Variants in RIN3 observed in about 807,000 individuals in gnomAD.
RIN3 encodes Ras and Rab interactor 3, also known as RAB5 interacting protein 3.
A neutral mutation model predicts 76.3 loss-of-function variants in RIN3; 54 were observed. That is an observed-to-expected ratio of 0.71 (90% CI 0.57 to 0.89). The LOEUF is 0.89. RIN3 is among the 40% of genes least tolerant of loss of function. The pLI is 0.00. For missense variants in RIN3, 1,256 were observed against 1,322.1 expected (o/e 0.95, Z 0.78); for synonymous variants, 576 against 564.0 (o/e 1.02, Z -0.30).
chr14:92,666,353 C>T (rs1888105132), intron 7 of RIN3, among the ~76,000 whole-genome samples: 1 of 152,210 alleles, frequency 6.6e-6, no homozygotes, highest in South Asian at 2.1e-4. Context: ...GCTATCTTCT[C>T]CAGAAAGATA....
At chr14:92,532,541 G>A (rs75581688) in intron 1 of RIN3, among the ~76,000 whole-genome samples, 3 of 152,312 alleles carry the variant, frequency 2.0e-5, no homozygotes, top group South Asian at 2.1e-4. Flanking sequence ...TCTGGGGGAA[G>A]TTATTTACCA....
At chr14:92,550,931 G>T (rs1298597963) in intron 1 of RIN3, among the ~76,000 whole-genome samples, 1 of 152,110 alleles carries the variant, frequency 6.6e-6, no homozygotes, top group Non-Finnish European at 1.5e-5. Flanking sequence ...AAAGAACTTT[G>T]CAGTAAACAC....
Position 92,550,004 on chromosome 14 carries a change from C to T in RIN3, c.45-5747C>T, listed in dbSNP as rs540460050. Among the ~76,000 whole-genome samples, 119 of 152,238 alleles carry T rather than the reference C, an allele frequency of 7.8e-4. 9 individuals carry two copies. Among genetic ancestry groups the T allele is most frequent in the African/African-American group, 1.7e-4 (7 of 41,532 alleles). Reference sequence around the variant, plus strand: ...GGGAGGGCGTGGGTGTCAGAGTGGCCGGCTCTGCCAACAGATGGCTGATCT... The same window carrying T: ...GGGAGGGCGTGGGTGTCAGAGTGGCTGGCTCTGCCAACAGATGGCTGATCT... On this transcript the variant is annotated intron_variant, in intron 1 of 9. Coordinates refer to ENST00000216487, the MANE Select transcript of RIN3 (RefSeq NM_024832.5).
At chr14:92,592,369 C>G (rs1460679537) in intron 3 of RIN3, among the ~76,000 whole-genome samples, 2 of 149,632 alleles carry the variant, frequency 1.3e-5, no homozygotes, top group Non-Finnish European at 3.0e-5. Flanking sequence ...CCATTGCACT[C>G]CAGCCTGGGC....
chr14:92,570,618 C>A (rs1027887764), intron 2 of RIN3, among the ~76,000 whole-genome samples: 5 of 150,328 alleles, frequency 3.3e-5, no homozygotes, highest in Admixed American at 1.3e-4. Context: ...GCTGAGATCA[C>A]GCCATTGCAC....
In RIN3 at chr14:92,513,943, A is replaced by ACGCCGGGG; in HGVS notation, c.16_23dup (p.Ala9GlyfsTer61). ...GGAGCTGCCGGCGGCATGATCCGAC[A>ACGCCGGGG]CGCCGGGGCGCCCGCGCGCGGGGAC... On this transcript the variant is annotated frameshift_variant, in exon 1 of 10. Transcript: ENST00000216487. LOFTEE classifies it high-confidence loss of function. 8.0e-7 allele frequency: 1 copy of ACGCCGGGG among 1,245,456 alleles called. No individual in the cohort carries two copies. Among genetic ancestry groups the ACGCCGGGG allele is most frequent in the Non-Finnish European group, 1.0e-6 (1 of 994,972 alleles). The allele number at this position is 1,245,456 out of a possible 1,614,324, so 77.2% of individuals were successfully genotyped here.
At chr14:92,661,063 C>G (rs1212726913) in intron 7 of RIN3, among the ~76,000 whole-genome samples, 1 of 152,208 alleles carries the variant, frequency 6.6e-6, no homozygotes, top group Non-Finnish European at 1.5e-5. Flanking sequence ...GCCCAATTTC[C>G]TCGCCTGAGG....
At chr14:92,557,198 T>G (rs1231119845) in intron 2 of RIN3, among the ~76,000 whole-genome samples, 2 of 152,240 alleles carry the variant, frequency 1.3e-5, no homozygotes, top group African/African-American at 2.4e-5. Flanking sequence ...CATGTGAATC[T>G]GCCCATTTAA....
chr14:92,538,059 T>TA (rs1897047185), intron 1 of RIN3, among the ~76,000 whole-genome samples: 1 of 151,872 alleles, frequency 6.6e-6, no homozygotes, highest in African/African-American at 2.4e-5. Flanking sequence ...TCTCTTGACC[T>TA]TGTGATCCAC....
intron 1 of RIN3, among the ~76,000 whole-genome samples, chr14:92,518,553 C>A (rs985007975): frequency 2.0e-5 from 3 of 152,198 alleles, no homozygotes; most frequent in African/African-American, 7.2e-5. Flanking sequence ...GCCACCCAGG[C>A]AATTGAGTAG....
intron 4 of RIN3, among the ~76,000 whole-genome samples, chr14:92,636,204 T>C (rs548547726): frequency 1.3e-5 from 2 of 151,528 alleles, no homozygotes; most frequent in Admixed American, 1.3e-4. Context: ...TTAGCATTGA[T>C]GAAAGAGGAG....
At chr14:92,664,442 A>C (rs1330396223) in intron 7 of RIN3, among the ~76,000 whole-genome samples, 1 of 134,504 alleles carries the variant, frequency 7.4e-6, no homozygotes, top group African/African-American at 2.8e-5. Context: ...ATCTCGGCTC[A>C]CTGCAAACTC....
In RIN3 at chr14:92,656,493, C is replaced by T. The variant is rs1887674010; in HGVS notation, c.2027-2668C>T. Among the ~76,000 whole-genome samples the T allele has an allele frequency of 6.6e-6, 1 of 152,198 alleles. No individual in the cohort carries two copies. The highest frequency in any genetic ancestry group is 6.5e-5 in the Admixed American group (1 of 15,288). On this transcript the variant is annotated intron_variant, in intron 6 of 9. Transcript: ENST00000216487. The surrounding 1 kb of genome is among the most constrained non-coding windows in gnomAD (Gnocchi z 5.2). ...GCACAAGCTGGACCTCTGCTGGAAA[C>T]AGCAGGAATGACTTCAGCCTTGGGG... is the stretch of plus-strand genomic sequence containing the variant.
chr14:92,533,109 TC>T (rs1216888656), intron 1 of RIN3, among the ~76,000 whole-genome samples: 1 of 152,224 alleles, frequency 6.6e-6, no homozygotes, highest in South Asian at 2.1e-4. Context: ...CCTCTTTATT[TC>T]TTTTTTCCTT....
At chr14:92,546,790 T>A (rs566487821) in intron 1 of RIN3, among the ~76,000 whole-genome samples, 48 of 152,048 alleles carry the variant, frequency 3.2e-4, no homozygotes, top group African/African-American at 1.1e-3. Context: ...TAGGGCCTGT[T>A]TGGGGGAATG....
chr14:92,609,249 G>A (rs978912570), intron 3 of RIN3, among the ~76,000 whole-genome samples: 3 of 152,090 alleles, frequency 2.0e-5, no homozygotes, highest in Admixed American at 1.3e-4. Flanking sequence ...GAGTGCCAGG[G>A]GCTGGGCTGG....
intron 1 of RIN3, among the ~76,000 whole-genome samples, chr14:92,547,144 CTTTAT>C (rs1251385369): frequency 3.2e-5 from 2 of 62,956 alleles, no homozygotes; most frequent in African/African-American, 1.1e-4. Context: ...AGTAAATTAT[CTTTAT>C]TTTATTATTA....
intron 3 of RIN3, among the ~76,000 whole-genome samples, chr14:92,593,547 G>T (rs557857349): frequency 6.6e-6 from 1 of 152,106 alleles, no homozygotes; most frequent in South Asian, 2.1e-4. Flanking sequence ...ATTGTGGGGT[G>T]GGGGGAAGGG....
chr14:92,522,602 A>G lies in RIN3; in HGVS notation c.44+8626A>G, dbSNP rs148198621. 5.3e-3 allele frequency among the ~76,000 whole-genome samples: 811 copies of G among 152,220 alleles called. 7 individuals carry two copies. Among genetic ancestry groups the G allele is most frequent in the South Asian group, 0.018 (85 of 4,826 alleles). On this transcript the variant is annotated intron_variant, in intron 1 of 9. Coordinates refer to ENST00000216487, the MANE Select transcript of RIN3 (RefSeq NM_024832.5). ...ATGGTCAGAGTTATTTCATGTGTCT[A>G]TCTTGACTTCTTTCCAAGTCCCCTC...
Sources: gnomAD v4.1 joint callset for allele counts (sites outside exome capture counted in the v4.1 genomes callset) on GRCh38, gnomAD v4.1.1 for gene constraint, Gnocchi (gnomAD v3.1) non-coding constraint, MANE v1.5 for transcripts, NCBI Gene and HGNC (gene_info 2026-07-23, HGNC 2026-07-21) for gene names.